TTN: variants seen among roughly 807,000 people sequenced by gnomAD.
The protein encoded by TTN is titin.
TTN carries 1,525 observed loss-of-function variants against 3,223.0 expected under a neutral mutation model. That is an observed-to-expected ratio of 0.47 (90% CI 0.45 to 0.49). The LOEUF is 0.49. Among genes scored for constraint, TTN ranks in the 20% least tolerant of loss-of-function variants. TTN has a pLI of 0.00. For missense variants in TTN, 40,786 were observed against 43,424.0 expected (o/e 0.94, Z 5.40); for synonymous variants, 14,094 against 15,161.0 (o/e 0.93, Z 5.17).
At position 178,568,223 on chromosome 2, in the gene TTN, CTG is replaced by C. The variant is rs2154166826; in HGVS notation, c.77907_77908del (p.Asn25969LysfsTer11). The C allele has an allele frequency of 1.2e-6, 2 of 1,613,486 alleles. No individual in the cohort carries two copies. Among genetic ancestry groups the C allele is most frequent in the Non-Finnish European group, 1.7e-6 (2 of 1,179,594 alleles). On this transcript the variant is annotated frameshift_variant, in exon 326 of 363. Coordinates refer to ENST00000589042, the MANE Select transcript of TTN (RefSeq NM_001267550.2). LOFTEE classifies it high-confidence loss of function. ...CTCTAAGGCAAAGCTTTGTCCATAT[CTG>C]TTTTCGGCAAATATTCTAAATTGGT...
chr2:178,650,089 T>G (rs1384972669), intron 210 of TTN, 75 bp downstream of exon 210: 21 of 1,386,324 alleles, frequency 1.5e-5, no homozygotes, highest in Non-Finnish European at 1.7e-5. Context: ...GACTGATATT[T>G]TGCCTTAAGG....
Position 178,562,503 on chromosome 2 carries a change from G to C in TTN, c.83629C>G (p.Arg27877Gly). 2 of 1,612,468 alleles carry C rather than the reference G, an allele frequency of 1.2e-6. No homozygotes were observed. The highest frequency in any genetic ancestry group is 1.7e-6 in the Non-Finnish European group (2 of 1,179,472). ...TCCCACTTAATTGTAGCTGTATTAC[G>C]GGTCACATCAACAAGAGTTACTCTT... ...PGRVTLVDVTRNTATIKWEKP... is the reference protein window; with the variant it reads ...PGRVTLVDVTGNTATIKWEKP... Residue 27877 changes from arginine to glycine, a missense_variant, in exon 326 of 363, where the codon CGT (arginine) becomes GGT (glycine). Physicochemically the swap from Arg to Gly is moderately radical, Grantham distance 125. Transcript: ENST00000589042.
rs755386132 is a variant in TTN, at chr2:178,730,924, C to T, written c.17740+1G>A. 6.3e-7 allele frequency: 1 copy of T among 1,596,522 alleles called. No homozygotes were observed. Among genetic ancestry groups the T allele is most frequent in the Admixed American group, 1.7e-5 (1 of 59,150 alleles). ...CCTCTCTGTAGAAGAACAATACCAA[C>T]CTAATACATTAATTCTAGCCTTGCA... On this transcript the variant is annotated splice_donor_variant, in intron 60 of 362. Transcript: ENST00000589042. LOFTEE classifies it high-confidence loss of function.
rs1172403044 is a variant in TTN, at chr2:178,528,966, TTTAGTGATTTCC to T, written c.106773_106784del (p.Glu35592_Lys35595del). On this transcript the variant is annotated inframe_deletion, in exon 360 of 363. Coordinates refer to ENST00000589042, the MANE Select transcript of TTN (RefSeq NM_001267550.2). ...TGACTTCTTCTGATGCCTGTGATGT[TTTAGTGATTTCC>T]TCATGGACAATGGATTTTTCCAGGG... 3.7e-6 allele frequency: 6 copies of T among 1,613,988 alleles called. No individual in the cohort carries two copies. The South Asian group carries it at 6.6e-5, about 18-fold the overall frequency.
At chr2:178,793,806 GA>G (rs577326681) in intron 8 of TTN, among the ~76,000 whole-genome samples, 15 of 151,384 alleles carry the variant, frequency 9.9e-5, no homozygotes, top group African/African-American at 2.7e-4. Flanking sequence ...TCTCAGAAAA[GA>G]AAAAAAAGTT....
intron 189 of TTN, 84 bp downstream of exon 189, chr2:178,657,412 TAA>T: frequency 3.8e-6 from 2 of 531,606 alleles, no homozygotes; most frequent in Non-Finnish European, 4.6e-6. Context: ...TAAAGTATAA[TAA>T]AAATATATAT....
chr2:178,558,037 T>C lies in TTN; in HGVS notation c.87317A>G (p.Glu29106Gly), dbSNP rs1559263086. The change falls in exon 328 of 363, where the codon GAA (glutamate) becomes GGA (glycine). Residue 29106 changes from glutamate to glycine, a missense_variant. Transcript: ENST00000589042. ...TAENLTINLK[E>G]SVTADAGRYE... is the part of the protein sequence containing the mutation. ...TCTCCCAGCGTCAGCTGTAACACTT[T>C]CTTTGAGATTGATGGTCAGGTTCTC... The C allele has an allele frequency of 6.2e-7, 1 of 1,613,964 alleles. No homozygotes were observed. The highest frequency in any genetic ancestry group is 8.5e-7 in the Non-Finnish European group (1 of 1,179,846).
At position 178,572,276 on chromosome 2, in the gene TTN, G is replaced by A; in HGVS notation, c.73856C>T (p.Pro24619Leu). The change falls in exon 326 of 363, where the codon CCT (proline) becomes CTT (leucine). Residue 24619 changes from proline (P) to leucine (L), a missense_variant. Pro to Leu is a moderately conservative substitution (Grantham distance 98). Coordinates refer to ENST00000589042, the MANE Select transcript of TTN (RefSeq NM_001267550.2). ...ESVKASERPLPPGKITLMDVT... is the reference protein window; with the variant it reads ...ESVKASERPLLPGKITLMDVT... ...ATCCATCAAAGTTATTTTTCCTGGAGGAAGAGGTCGTTCTGATGCTTTCAC... is the reference window on the plus strand; with the variant it reads ...ATCCATCAAAGTTATTTTTCCTGGAAGAAGAGGTCGTTCTGATGCTTTCAC... 1 of 1,613,120 alleles carries A rather than the reference G, an allele frequency of 6.2e-7. No individual in the cohort carries two copies. Among genetic ancestry groups the A allele is most frequent in the Non-Finnish European group, 8.5e-7 (1 of 1,179,406 alleles).
intron 127 of TTN, among the ~76,000 whole-genome samples, chr2:178,686,124 T>TTA: frequency 8.6e-6 from 1 of 116,618 alleles, no homozygotes; most frequent in Non-Finnish European, 1.7e-5. Flanking sequence ...TTTTTTTTTT[T>TTA]TTTTTTTTTT....
chr2:178,553,709 C>G lies in TTN; in HGVS notation c.89296G>C (p.Val29766Leu), dbSNP rs780822733. The change falls in exon 334 of 363, where the codon GTT (valine) becomes CTT (leucine). Residue 29766 changes from valine (V) to leucine (L), a missense_variant. Coordinates refer to ENST00000589042, the MANE Select transcript of TTN (RefSeq NM_001267550.2). ...CTTATCTCGACAACATACCCAGTAACAGCACTGCCCCCATCATAGACAGGC... is the reference window on the plus strand; with the variant it reads ...CTTATCTCGACAACATACCCAGTAAGAGCACTGCCCCCATCATAGACAGGC... ...SKPVYDGGSA[V>L]TGYVVEIRQG... is the part of the protein sequence containing the mutation. 8.1e-6 allele frequency: 13 copies of G among 1,613,818 alleles called. No individual in the cohort carries two copies. Among genetic ancestry groups the G allele is most frequent in the Non-Finnish European group, 1.1e-5 (13 of 1,179,788 alleles).
rs2562835 is a variant in TTN at position 178,715,341 on chromosome 2, A to C, written c.25922-77T>G. ...AAAGTAAGAATCAATCTTCCACTCCATCAGAGAGATAGAGAGTGAAAAAAA... is the reference window on the plus strand; with the variant it reads ...AAAGTAAGAATCAATCTTCCACTCCCTCAGAGAGATAGAGAGTGAAAAAAA... On this transcript the variant is annotated intron_variant, in intron 89 of 362. Coordinates refer to ENST00000589042, the MANE Select transcript of TTN (RefSeq NM_001267550.2). The C allele has an allele frequency of 0.033, 49,936 of 1,515,532 alleles. 1,615 individuals carry two copies. The highest frequency in any genetic ancestry group is 0.19 in the East Asian group (8,354 of 43,820). The allele number at this position is 1,515,532 out of a possible 1,614,324, so 93.9% of individuals were successfully genotyped here.
chr2:178,779,351 C>T lies in TTN; in HGVS notation c.3841G>A (p.Val1281Ile). 1 of 1,612,200 alleles carries T rather than the reference C, an allele frequency of 6.2e-7. No individual in the cohort carries two copies. Among genetic ancestry groups the T allele is most frequent in the Non-Finnish European group, 8.5e-7 (1 of 1,178,458 alleles). The change falls in exon 23 of 363, where the codon GTT becomes ATT. Residue 1281 changes from valine to isoleucine, a missense_variant. By Grantham distance (29) the Val-to-Ile change is conservative. Coordinates refer to ENST00000589042, the MANE Select transcript of TTN (RefSeq NM_001267550.2). ...LEEDGEEKMAVDISESEAVES... is the reference protein window; with the variant it reads ...LEEDGEEKMAIDISESEAVES... ...ACAGCTTCAGATTCAGAAATGTCAA[C>T]TGCCATCTTTTCTTCTCCATCTTCT...
At chr2:178,545,748 T>C in intron 343 of TTN, 55 bp from the exon 344 acceptor site, 2 of 1,598,272 alleles carry the variant, frequency 1.3e-6, no homozygotes, top group Non-Finnish European at 1.7e-6. Context: ...TTGATAAGAC[T>C]GCCCTTCTCC....
Position 178,530,474 on chromosome 2 carries a change from T to C in TTN, c.106141A>G (p.Ser35381Gly), listed in dbSNP as rs1251083110. Residue 35381 changes from serine (S) to glycine (G), a missense_variant, in exon 358 of 363, where the codon AGT becomes GGT. Ser to Gly is a moderately conservative substitution (Grantham distance 56). Transcript: ENST00000589042. ...NLQFMGQAFKSIHEKVSKISE... is the reference protein window; with the variant it reads ...NLQFMGQAFKGIHEKVSKISE... ...ATTTTTGATACCTTCTCATGGATACTCTTAAAGGCTTGCCCCATAAATTGT... is the reference window on the plus strand; with the variant it reads ...ATTTTTGATACCTTCTCATGGATACCCTTAAAGGCTTGCCCCATAAATTGT... 1 of 1,613,920 alleles carries C rather than the reference T, an allele frequency of 6.2e-7. No homozygotes were observed. Among genetic ancestry groups the C allele is most frequent in the East Asian group, 2.2e-5 (1 of 44,898 alleles).
rs1165296614 is a variant in TTN at position 178,732,962 on chromosome 2, A to G, written c.16214T>C (p.Ile5405Thr). The G allele has an allele frequency of 1.2e-6, 2 of 1,613,468 alleles. No homozygotes were observed. The highest frequency in any genetic ancestry group is 4.5e-5 in the East Asian group (2 of 44,758). Reference sequence around the variant, plus strand: ...AGAGGCTGTGCCTTCCACAAATGCTATCCTGTATCTGTCAGAAGCAGCTAT... The same window carrying G: ...AGAGGCTGTGCCTTCCACAAATGCTGTCCTGTATCTGTCAGAAGCAGCTAT... ...KEIAASDRYR[I>T]AFVEGTASLE... Residue 5405 changes from isoleucine (I) to threonine (T), a missense_variant, in exon 55 of 363, where the codon ATA (isoleucine) becomes ACA (threonine). Ile to Thr is a moderately conservative substitution (Grantham distance 89). Transcript: ENST00000589042.
intron 17 of TTN, among the ~76,000 whole-genome samples, chr2:178,783,333 T>G (rs1343320351): frequency 1.3e-5 from 2 of 152,218 alleles, no homozygotes; most frequent in African/African-American, 4.8e-5. Flanking sequence ...ATGCCTCCCA[T>G]GGATTCTCCT....
chr2:178,560,468 G>T lies in TTN; in HGVS notation c.85664C>A (p.Thr28555Lys). 6.2e-7 allele frequency: 1 copy of T among 1,613,408 alleles called. No individual in the cohort carries two copies. The highest frequency in any genetic ancestry group is 8.5e-7 in the Non-Finnish European group (1 of 1,179,702). Residue 28555 changes from threonine to lysine, a missense_variant, in exon 326 of 363, where the codon ACG becomes AAG. Coordinates refer to ENST00000589042, the MANE Select transcript of TTN (RefSeq NM_001267550.2). ...GGTCACAGAAGTAATTTCCAAAGAC[G>T]TGGGTGGACTTGGAACTGTAAATGG... ...LDPFTVPSPP[T>K]SLEITSVTKE...
intron 240 of TTN, among the ~76,000 whole-genome samples, chr2:178,627,237 AACAACT>A (rs1559919009): frequency 6.6e-6 from 1 of 151,992 alleles, no homozygotes; most frequent in Non-Finnish European, 1.5e-5. Context: ...GACAGCCAAA[AACAACT>A]ACAACAACAA....
intron 50 of TTN, among the ~76,000 whole-genome samples, chr2:178,735,257 G>C (rs566623653): frequency 1.3e-5 from 2 of 152,244 alleles, no homozygotes; most frequent in South Asian, 4.1e-4. Context: ...CAGACACTTG[G>C]AGTTTTTTCT....
Sources: allele counts gnomAD v4.1 joint callset (sites outside exome capture counted in the v4.1 genomes callset), GRCh38; gene constraint gnomAD v4.1.1; transcripts MANE v1.5; gene names NCBI Gene and HGNC (gene_info 2026-07-23, HGNC 2026-07-21).